RBMS3: variants seen among roughly 807,000 people sequenced by gnomAD.
RBMS3 encodes RNA-binding motif, single-stranded-interacting protein 3.
In RBMS3, 27 loss-of-function variants were observed where a neutral mutation model predicts 66.8. The observed-to-expected ratio is 0.40, with a 90% CI of 0.30 to 0.56. The LOEUF (loss-of-function observed/expected upper bound fraction) is 0.56, where lower values mean the gene tolerates loss of function less well. RBMS3 is among the 20% of genes least tolerant of loss of function. The probability of loss-of-function intolerance (pLI) is 0.40; values close to 1 mark genes in which losing one functional copy is unlikely to be tolerated. For synonymous variants in RBMS3, 188 were observed against 183.0 expected, an observed-to-expected ratio of 1.03 and a Z score of -0.22; for missense variants, 513 against 549.5, an observed-to-expected ratio of 0.93 and a Z score of 0.66.
At chr3:29,703,499 T>C (rs1011428288) in intron 4 of RBMS3, among the ~76,000 whole-genome samples, 43 of 152,238 alleles carry the variant, frequency 2.8e-4, no homozygotes, top group African/African-American at 1.0e-3. Context: ...GGGAACTTTC[T>C]ATCTTAGTAC....
intron 6 of RBMS3, among the ~76,000 whole-genome samples, chr3:29,782,311 C>T (rs2149411909): frequency 6.6e-6 from 1 of 152,324 alleles, no homozygotes; most frequent in Admixed American, 6.5e-5. Context: ...AAAGCAGGTG[C>T]TGGTATCCAG....
chr3:29,459,800 AG>A (rs1320362046), intron 2 of RBMS3, among the ~76,000 whole-genome samples: 10 of 152,220 alleles, frequency 6.6e-5, no homozygotes, highest in Non-Finnish European at 1.5e-4. Context: ...GGGTAAGTAC[AG>A]TAGAGAATTT....
intron 1 of RBMS3, among the ~76,000 whole-genome samples, chr3:29,328,715 A>G (rs1054233987): frequency 2.4e-4 from 37 of 152,166 alleles, no homozygotes; most frequent in Admixed American, 2.0e-3. Flanking sequence ...CCTGACCTCC[A>G]TTGGGTTAGA....
Position 29,983,136 on chromosome 3 carries a change from G to GT in RBMS3, c.1099-5006dup, listed in dbSNP as rs1375118801. The stretch of plus-strand genomic sequence containing the variant: ...TTTAGGATAATTAGCTCTTCTTGTT[G>GT]TATTGATCCCTTTACCACTATGTAA... On this transcript the variant is annotated intron_variant, in intron 12 of 14. Coordinates refer to ENST00000383767, the MANE Select transcript of RBMS3 (RefSeq NM_001003793.3). 7.2e-5 allele frequency among the ~76,000 whole-genome samples: 11 copies of GT among 152,006 alleles called. 1 individual carries two copies. In the South Asian group the frequency reaches 2.3e-3, roughly 32 times the overall value.
intron 6 of RBMS3, among the ~76,000 whole-genome samples, chr3:29,838,173 CAAAAAA>C (rs71091080): frequency 1.2e-5 from 1 of 83,062 alleles, no homozygotes; most frequent in Non-Finnish European, 2.2e-5. Flanking sequence ...CTCATCTCTA[CAAAAAA>C]AAAAAAAAAA....
intron 3 of RBMS3, among the ~76,000 whole-genome samples, chr3:29,506,202 AT>A (rs1174594627): frequency 2.6e-5 from 4 of 151,964 alleles, no homozygotes; most frequent in African/African-American, 9.7e-5. Context: ...TGAATGAGAT[AT>A]TAGCTATGGT....
chr3:29,319,018 C>T (rs1453919669), intron 1 of RBMS3, among the ~76,000 whole-genome samples: 2 of 151,824 alleles, frequency 1.3e-5, no homozygotes, highest in African/African-American at 2.4e-5. Context: ...TAAAACAGGA[C>T]CAGGTATTTA....
intron 6 of RBMS3, among the ~76,000 whole-genome samples, chr3:29,792,433 C>G (rs1410669340): frequency 6.6e-6 from 1 of 152,126 alleles, no homozygotes; most frequent in Non-Finnish European, 1.5e-5. Flanking sequence ...TCCTCTGAAA[C>G]TCACTGAATT....
intron 3 of RBMS3, among the ~76,000 whole-genome samples, chr3:29,543,265 A>G (rs182533746): frequency 6.6e-6 from 1 of 152,348 alleles, no homozygotes; most frequent in African/African-American, 2.4e-5. Context: ...ACTAGAACAA[A>G]TAATATGAAG....
chr3:29,579,816 G>T (rs993613476), intron 3 of RBMS3, among the ~76,000 whole-genome samples: 1 of 152,068 alleles, frequency 6.6e-6, no homozygotes, highest in African/African-American at 2.4e-5. Flanking sequence ...CTTAATCTGT[G>T]CAATATTATA....
intron 12 of RBMS3, among the ~76,000 whole-genome samples, chr3:29,964,605 A>G (rs984490068): frequency 1.3e-5 from 2 of 152,134 alleles, no homozygotes; most frequent in Admixed American, 6.5e-5. Flanking sequence ...TCTTTCCTTC[A>G]TGAAAACTAA....
At chr3:29,699,222 C>A (rs2052430002) in intron 4 of RBMS3, among the ~76,000 whole-genome samples, 1 of 152,178 alleles carries the variant, frequency 6.6e-6, no homozygotes, top group African/African-American at 2.4e-5. Context: ...ACAATCTCAG[C>A]TCACTGCAAC....
intron 12 of RBMS3, among the ~76,000 whole-genome samples, chr3:29,987,593 AT>A (rs536261488): frequency 1.3e-5 from 2 of 152,172 alleles, no homozygotes; most frequent in Non-Finnish European, 1.5e-5. Flanking sequence ...GTAATACTCC[AT>A]TTTTTTATAT....
intron 5 of RBMS3, among the ~76,000 whole-genome samples, chr3:29,751,893 G>A (rs2055200182): frequency 6.6e-6 from 1 of 152,146 alleles, no homozygotes; most frequent in Non-Finnish European, 1.5e-5. Context: ...CACTGTACAG[G>A]CCCATGGCAG....
intron 14 of RBMS3, among the ~76,000 whole-genome samples, chr3:29,996,778 G>A (rs1699271082): frequency 6.6e-6 from 1 of 152,084 alleles, no homozygotes; most frequent in Non-Finnish European, 1.5e-5. Flanking sequence ...GTGTGTAGAG[G>A]GAAATTTATA....
chr3:29,561,122 T>G (rs377188331), intron 3 of RBMS3, among the ~76,000 whole-genome samples: 4 of 152,186 alleles, frequency 2.6e-5, no homozygotes, highest in African/African-American at 9.7e-5. Context: ...TACCACATTT[T>G]CTTATCCAGT....
chr3:29,429,896 C>T (rs1438369779), intron 1 of RBMS3, among the ~76,000 whole-genome samples: 1 of 152,052 alleles, frequency 6.6e-6, no homozygotes, highest in Non-Finnish European at 1.5e-5. Context: ...AAAGGGGCTG[C>T]TGTGACCCAT....
At chr3:29,295,447 C>A (rs1345256532) in intron 1 of RBMS3, among the ~76,000 whole-genome samples, 1 of 149,384 alleles carries the variant, frequency 6.7e-6, no homozygotes, top group African/African-American at 2.5e-5. Flanking sequence ...TTTTGCATAT[C>A]TAGGGAAATA....
At position 29,651,009 on chromosome 3, in the gene RBMS3, AGTT is replaced by A. The variant is rs576066933; in HGVS notation, c.399+63809_399+63811del. Among the ~76,000 whole-genome samples the A allele has an allele frequency of 3.3e-3, 506 of 152,254 alleles. 1 individual carries two copies. The highest frequency in any genetic ancestry group is 6.8e-3 in the Middle Eastern group (2 of 294). ...CCCCTGGATAAATCTCAACTATTTT[AGTT>A]GTTGATTTTTTTTGATGTTGCCTTT... On this transcript the variant is annotated intron_variant, in intron 4 of 14. Coordinates refer to ENST00000383767, the MANE Select transcript of RBMS3 (RefSeq NM_001003793.3).
Sources: gnomAD v4.1 joint callset for allele counts (sites outside exome capture counted in the v4.1 genomes callset) on GRCh38, gnomAD v4.1.1 for gene constraint, MANE v1.5 for transcripts, NCBI Gene and HGNC (gene_info 2026-07-23, HGNC 2026-07-21) for gene names.